The following LINGO1 variants were observed in gnomAD, a reference collection of about 807,000 sequenced individuals.
LINGO1 encodes leucine rich repeat and Ig domain containing 1, also known as leucine-rich repeat and immunoglobulin-like domain-containing nogo receptor-interacting protein 1.
A neutral mutation model predicts 37.3 loss-of-function variants in LINGO1; 11 were observed. That is an observed-to-expected ratio of 0.29 (90% confidence interval 0.19 to 0.49). The LOEUF (loss-of-function observed/expected upper bound fraction) is 0.49. Ranked by LOEUF, LINGO1 falls within the 20% of genes least tolerant of loss-of-function variation. The probability of loss-of-function intolerance (pLI) is 0.99; values close to 1 mark genes in which losing one functional copy is unlikely to be tolerated. For synonymous variants in LINGO1, 387 were observed against 403.0 expected (o/e 0.96, Z 0.48); for missense variants, 585 against 878.2 (o/e 0.67, Z 4.22).
At chr15:77,626,740 G>A (rs1334257426) in intron 1 of LINGO1, among the ~76,000 whole-genome samples, 1 of 152,196 alleles carries the variant, frequency 6.6e-6, no homozygotes, top group Non-Finnish European at 1.5e-5. Context: ...AGCTCAGTGT[G>A]AGGAATCCGA....
intron 3 of LINGO1, among the ~76,000 whole-genome samples, chr15:77,643,818 T>C (rs967992862): frequency 3.3e-5 from 5 of 152,126 alleles, no homozygotes; most frequent in African/African-American, 1.2e-4. Flanking sequence ...TCCCACCTCT[T>C]CCTGCTCCAG....
chr15:77,728,333 G>T (rs552083969), intron 2 of LINGO1, among the ~76,000 whole-genome samples: 1 of 152,244 alleles, frequency 6.6e-6, no homozygotes, highest in Non-Finnish European at 1.5e-5. Flanking sequence ...CTGCACCAGC[G>T]TCTGCTGAGT....
chr15:77,820,182 G>A (rs112033856), intron 1 of LINGO1: 25,629 of 152,196 alleles, frequency 0.17, 2,604 homozygotes, highest in East Asian at 0.32. Flanking sequence ...CCTGGCGCTA[G>A]GGTGGCGACG....
intron 2 of LINGO1, among the ~76,000 whole-genome samples, chr15:77,725,839 G>C (rs577937506): frequency 7.9e-5 from 12 of 152,330 alleles, no homozygotes; most frequent in Admixed American, 7.2e-4. Context: ...GCTTGAAAGA[G>C]AGCTGGTCTG....
intron 1 of LINGO1, among the ~76,000 whole-genome samples, chr15:77,801,307 T>C (rs914545432): frequency 6.6e-6 from 1 of 152,222 alleles, no homozygotes; most frequent in Non-Finnish European, 1.5e-5. Context: ...AAATATAGCA[T>C]GTCCACACTA....
intron 1 of LINGO1, among the ~76,000 whole-genome samples, chr15:77,764,561 C>G (rs995794235): frequency 2.6e-5 from 4 of 152,140 alleles, no homozygotes; most frequent in Non-Finnish European, 5.9e-5. Flanking sequence ...AAGAGGAGCG[C>G]TGAAGGGCCA....
chr15:77,675,423 C>A (rs777986830), intron 3 of LINGO1, among the ~76,000 whole-genome samples: 1 of 152,142 alleles, frequency 6.6e-6, no homozygotes, highest in Non-Finnish European at 1.5e-5. Flanking sequence ...GATTTGTAGA[C>A]CATCATACAA....
chr15:77,748,151 G>C (rs935779885), intron 1 of LINGO1, among the ~76,000 whole-genome samples: 3 of 152,218 alleles, frequency 2.0e-5, no homozygotes, highest in Non-Finnish European at 4.4e-5. Flanking sequence ...GCCCTGCTGG[G>C]CCCCAGCGGG....
intron 2 of LINGO1, among the ~76,000 whole-genome samples, chr15:77,682,381 C>A (rs558787497): frequency 9.9e-5 from 15 of 151,790 alleles, no homozygotes; most frequent in African/African-American, 3.6e-4. Context: ...CCCACGGGGC[C>A]ACGGTACAGT....
At chr15:77,650,573 C>T (rs537271269) in intron 3 of LINGO1, among the ~76,000 whole-genome samples, 1 of 152,230 alleles carries the variant, frequency 6.6e-6, no homozygotes, top group African/African-American at 2.4e-5. Flanking sequence ...TAGGCAGGAC[C>T]CTTGTCTGTC....
intron 3 of LINGO1, among the ~76,000 whole-genome samples, chr15:77,656,606 C>T (rs1429256364): frequency 6.6e-6 from 1 of 152,164 alleles, no homozygotes; most frequent in Non-Finnish European, 1.5e-5. Context: ...CTCGGCTGCC[C>T]TGTCCAGAGC....
chr15:77,633,014 T>G, upstream of LINGO1, among the ~76,000 whole-genome samples: 1 of 71,604 alleles, frequency 1.4e-5, no homozygotes, highest in East Asian at 4.4e-4. Flanking sequence ...AACCTGGTGA[T>G]GGTGGTGGTG....
chr15:77,757,792 G>A (rs2076434960), intron 1 of LINGO1, among the ~76,000 whole-genome samples: 1 of 152,162 alleles, frequency 6.6e-6, no homozygotes, highest in Non-Finnish European at 1.5e-5. Flanking sequence ...GGGCTGGCTG[G>A]AATGCCCCAG....
intron 1 of LINGO1, among the ~76,000 whole-genome samples, chr15:77,751,482 T>C (rs186882623): frequency 4.1e-4 from 63 of 152,186 alleles, no homozygotes; most frequent in Admixed American, 3.3e-3. Flanking sequence ...CCTGTGATAG[T>C]TGGGGGCAAT....
chr15:77,817,276 T>C (rs2141489497), intron 1 of LINGO1, among the ~76,000 whole-genome samples: 1 of 152,288 alleles, frequency 6.6e-6, no homozygotes, highest in East Asian at 1.9e-4. Context: ...GTGGGCCACC[T>C]GGGGAGGAAG....
intron 3 of LINGO1, among the ~76,000 whole-genome samples, chr15:77,659,607 T>C (rs115046441): frequency 0.033 from 4,967 of 152,228 alleles, 267 homozygotes; most frequent in African/African-American, 0.11. Flanking sequence ...ATGTCACCTC[T>C]GTCTGAGTTC....
chr15:77,647,938 C>T (rs1567487730), intron 3 of LINGO1: 1 of 456,582 alleles, frequency 2.2e-6, no homozygotes, highest in Non-Finnish European at 4.4e-6. Flanking sequence ...ATTGGTGCCA[C>T]CATTGCTAAC....
chr15:77,779,250 G>A (rs534392788), intron 1 of LINGO1, among the ~76,000 whole-genome samples: 5 of 151,946 alleles, frequency 3.3e-5, no homozygotes, highest in Non-Finnish European at 4.4e-5. Context: ...TATTTATCTT[G>A]TTTAATATCT....
At chr15:77,619,335 A>G (rs796795924) in intron 1 of LINGO1, among the ~76,000 whole-genome samples, 11 of 152,290 alleles carry the variant, frequency 7.2e-5, no homozygotes, top group African/African-American at 2.2e-4. Flanking sequence ...GGCTAACCCT[A>G]TATCAGGCCC....
Sources: allele counts gnomAD v4.1 joint callset (sites outside exome capture counted in the v4.1 genomes callset), GRCh38; gene constraint gnomAD v4.1.1; transcripts MANE v1.5; gene names NCBI Gene and HGNC (gene_info 2026-07-23, HGNC 2026-07-21).